Variants in MDGA2 observed in about 807,000 individuals in gnomAD.
MDGA2 encodes the protein MAM domain-containing glycosylphosphatidylinositol anchor protein 2.
A neutral mutation model predicts 117.8 loss-of-function variants in MDGA2; 40 were observed. The ratio of observed to expected loss-of-function variants is 0.34; its 90% CI spans 0.26 to 0.44. The LOEUF is 0.44. Among genes scored for constraint, MDGA2 ranks in the 20% least tolerant of loss-of-function variants. The pLI is 1.00. For missense variants in MDGA2, 1,123 were observed against 1,250.6 expected, an observed-to-expected ratio of 0.90 and a Z score of 1.54; for synonymous variants, 452 against 439.0, an observed-to-expected ratio of 1.03 and a Z score of -0.37.
At chr14:47,574,529 T>A (rs748515610) in intron 1 of MDGA2, among the ~76,000 whole-genome samples, 2 of 152,296 alleles carry the variant, frequency 1.3e-5, no homozygotes, top group Non-Finnish European at 2.9e-5. Context: ...TAACTATGAA[T>A]TGTACCCTAA....
At chr14:47,113,768 G>C (rs776006998) in intron 5 of MDGA2, among the ~76,000 whole-genome samples, 10 of 151,930 alleles carry the variant, frequency 6.6e-5, no homozygotes, top group Non-Finnish European at 1.5e-4. Context: ...AAAATAATAA[G>C]AGCCATTTAT....
chr14:47,580,230 A>G (rs1470334164), intron 1 of MDGA2, among the ~76,000 whole-genome samples: 1 of 152,002 alleles, frequency 6.6e-6, no homozygotes, highest in African/African-American at 2.4e-5. Context: ...TGAGGCAGGG[A>G]AGTCCAAGAT....
chr14:47,171,191 A>G (rs940229752), intron 3 of MDGA2, among the ~76,000 whole-genome samples: 3 of 152,146 alleles, frequency 2.0e-5, no homozygotes, highest in Non-Finnish European at 4.4e-5. Context: ...AGAAAGCCAT[A>G]ATCTCTGAAG....
chr14:47,317,971 A>C (rs1348988841), intron 1 of MDGA2, among the ~76,000 whole-genome samples: 3 of 152,156 alleles, frequency 2.0e-5, no homozygotes, highest in Non-Finnish European at 2.9e-5. Context: ...AGCCTTTCCT[A>C]CATCATTGAA....
At chr14:46,955,889 A>G (rs1885545634) in intron 9 of MDGA2, among the ~76,000 whole-genome samples, 1 of 152,128 alleles carries the variant, frequency 6.6e-6, no homozygotes. Context: ...TGCATTAAAA[A>G]TATATGGATC....
intron 8 of MDGA2, among the ~76,000 whole-genome samples, chr14:46,964,322 A>C (rs1328172637): frequency 6.6e-6 from 1 of 152,198 alleles, no homozygotes; most frequent in Non-Finnish European, 1.5e-5. Context: ...GGTTCTTTTA[A>C]GCTCTGAAGT....
rs187489068 is a variant in MDGA2, at chr14:46,932,732, T to C, written c.2090-12572A>G. ...TTATTAGGAAACAAGTCACTCAGAC[T>C]GAAATAGGTGGGCAAACTACTTGGG... is the stretch of plus-strand genomic sequence containing the variant. On this transcript the variant is annotated intron_variant, in intron 9 of 16. Coordinates refer to ENST00000399232, the MANE Select transcript of MDGA2 (RefSeq NM_001113498.3). 5.4e-3 allele frequency among the ~76,000 whole-genome samples: 821 copies of C among 152,160 alleles called. 13 individuals are homozygous for C. The highest frequency in any genetic ancestry group is 0.019 in the African/African-American group (795 of 41,552).
intron 8 of MDGA2, among the ~76,000 whole-genome samples, chr14:46,969,612 G>A (rs1886177360): frequency 6.6e-6 from 1 of 150,718 alleles, no homozygotes; most frequent in Non-Finnish European, 1.5e-5. Context: ...TTTTTTTCTT[G>A]TAAATTTGTT....
At chr14:47,079,727 ATTTTTT>A (rs35801678) in intron 6 of MDGA2, among the ~76,000 whole-genome samples, 67 of 80,074 alleles carry the variant, frequency 8.4e-4, no homozygotes, top group African/African-American at 3.2e-3. Context: ...TTTTCTACTA[ATTTTTT>A]TTTTTTTTTT....
Position 46,855,541 on chromosome 14 carries a change from A to G in MDGA2, c.2753-387T>C, listed in dbSNP as rs1274253976. Among the ~76,000 whole-genome samples, 1 of 152,154 alleles carries G rather than the reference A, an allele frequency of 6.6e-6. No individual in the cohort carries two copies. Among genetic ancestry groups the G allele is most frequent in the Non-Finnish European group, 1.5e-5 (1 of 68,014 alleles). On this transcript the variant is annotated intron_variant, in intron 14 of 16. Transcript: ENST00000399232. The surrounding 1 kb of genome is among the most constrained non-coding windows in gnomAD (Gnocchi z 4.1). ...AGAGATGTTACATGGCTGGTTTCCA[A>G]GATGGAGGAAGGGGCTACAAGGACT...
At chr14:47,327,240 T>C (rs936253409) in intron 1 of MDGA2, among the ~76,000 whole-genome samples, 19 of 152,194 alleles carry the variant, frequency 1.2e-4, no homozygotes, top group African/African-American at 4.3e-4. Flanking sequence ...CTTTGTTCCA[T>C]TGGCCTAATC....
At chr14:47,579,179 C>T (rs1896182048) in intron 1 of MDGA2, among the ~76,000 whole-genome samples, 1 of 151,968 alleles carries the variant, frequency 6.6e-6, no homozygotes, top group Non-Finnish European at 1.5e-5. Context: ...CAAAAGATAA[C>T]CTTTTATCAA....
chr14:46,949,171 C>G (rs1885280214), intron 9 of MDGA2, among the ~76,000 whole-genome samples: 1 of 151,972 alleles, frequency 6.6e-6, no homozygotes, highest in African/African-American at 2.4e-5. Context: ...AATTAAATGG[C>G]TTGCACAGAG....
At chr14:47,247,636 TTA>T (rs1289148536) in intron 2 of MDGA2, among the ~76,000 whole-genome samples, 4 of 121,028 alleles carry the variant, frequency 3.3e-5, no homozygotes, top group African/African-American at 6.7e-5. Context: ...TACATATTTA[TTA>T]TTATTATTAT....
chr14:47,289,946 A>T (rs1241272135), intron 2 of MDGA2, among the ~76,000 whole-genome samples: 1 of 152,198 alleles, frequency 6.6e-6, no homozygotes, highest in Admixed American at 6.5e-5. Context: ...GACCATCAGA[A>T]AATGTGAGTG....
Position 47,137,011 on chromosome 14 carries a change from A to T in MDGA2, c.793-5165T>A, listed in dbSNP as rs372673357. ...AATCAAGTACAGAGAATCAACATCA[A>T]TGCAGCTCTGGCCATTAAAATGCAG... On this transcript the variant is annotated intron_variant, in intron 4 of 16. Transcript: ENST00000399232. 6.8e-4 allele frequency among the ~76,000 whole-genome samples: 103 copies of T among 152,340 alleles called. 2 individuals carry two copies. Among genetic ancestry groups the T allele is most frequent in the African/African-American group, 2.4e-3 (98 of 41,588 alleles).
intron 1 of MDGA2, among the ~76,000 whole-genome samples, chr14:47,328,524 T>C (rs1284908259): frequency 6.6e-6 from 1 of 152,194 alleles, no homozygotes; most frequent in Non-Finnish European, 1.5e-5. Flanking sequence ...TTATGCATTC[T>C]TGGAAGAAAC....
At chr14:46,959,947 G>A (rs1232170922) in intron 8 of MDGA2, among the ~76,000 whole-genome samples, 1 of 151,938 alleles carries the variant, frequency 6.6e-6, no homozygotes, top group East Asian at 1.9e-4. Flanking sequence ...TACATAGTTG[G>A]GCGTGGTGGC....
In MDGA2 at chr14:47,129,936, GTTGT is replaced by G. The variant is rs1402385574; in HGVS notation, c.925+1774_925+1777del. Among the ~76,000 whole-genome samples the G allele has an allele frequency of 4.7e-5, 7 of 149,168 alleles. No individual in the cohort carries two copies. The South Asian group carries it at 6.3e-4, about 13-fold the overall frequency. On this transcript the variant is annotated intron_variant, in intron 5 of 16. Coordinates refer to ENST00000399232, the MANE Select transcript of MDGA2 (RefSeq NM_001113498.3). ...TGTCCTTCGCCCACTTTTTGATGGG[GTTGT>G]TTGTTTTTTTCTTGTAAATTTGTTT...
Sources: gnomAD v4.1 joint callset for allele counts (sites outside exome capture counted in the v4.1 genomes callset) on GRCh38, gnomAD v4.1.1 for gene constraint, Gnocchi (gnomAD v3.1) non-coding constraint, MANE v1.5 for transcripts, NCBI Gene and HGNC (gene_info 2026-07-23, HGNC 2026-07-21) for gene names.